The following RPH3A variants were observed in gnomAD, a reference collection of about 807,000 sequenced individuals.
RPH3A encodes rabphilin-3A.
Under a neutral mutation model 102.2 loss-of-function variants are expected in RPH3A, and 48 were observed. The ratio of observed to expected loss-of-function variants is 0.47; its 90% CI spans 0.37 to 0.60. The LOEUF (loss-of-function observed/expected upper bound fraction) is 0.60, where lower values mean the gene tolerates loss of function less well. Among genes scored for constraint, RPH3A ranks in the 20% least tolerant of loss-of-function variants. RPH3A has a pLI of 0.00. For synonymous variants in RPH3A, 310 were observed against 324.3 expected, an observed-to-expected ratio of 0.96 and a Z score of 0.47; for missense variants, 781 against 910.1, an observed-to-expected ratio of 0.86 and a Z score of 1.83.
rs137908755 is a variant in RPH3A at position 112,715,279 on chromosome 12, T to C, written c.-139-76864T>C. Reference sequence around the variant, plus strand: ...GCTCTCTACTGAAATGCCACTTCCTTGAGAAGCCCTCCCTGAAACCACTCC... The same window carrying C: ...GCTCTCTACTGAAATGCCACTTCCTCGAGAAGCCCTCCCTGAAACCACTCC... On this transcript the variant is annotated intron_variant, in intron 1 of 21. Coordinates refer to the RPH3A transcript ENST00000543106. Among the ~76,000 whole-genome samples the C allele has an allele frequency of 2.0e-3, 298 of 152,308 alleles. 1 individual carries two copies. The highest frequency in any genetic ancestry group is 6.7e-3 in the African/African-American group (279 of 41,564).
rs185287343 is a variant in RPH3A, at chr12:112,655,548, C to T, written c.-140+80229C>T. ...CTTCATGTCTGATTTGGGCCCATCT[C>T]GAATTTTTGTTGGTCTTTTTTTTTT... On this transcript the variant is annotated intron_variant, in intron 1 of 21. Transcript: ENST00000543106. Among the ~76,000 whole-genome samples, 52 of 136,028 alleles carry T rather than the reference C, an allele frequency of 3.8e-4. No homozygotes were observed. The East Asian group carries it at 0.011, about 29-fold the overall frequency. The allele number at this position is 136,028 out of a possible 152,430, so 89.2% of individuals were successfully genotyped here.
intron 1 of RPH3A, among the ~76,000 whole-genome samples, chr12:112,730,418 C>G (rs2040624468): frequency 6.6e-6 from 1 of 152,250 alleles, no homozygotes; most frequent in South Asian, 2.1e-4. Flanking sequence ...ATGCCTTTCT[C>G]TGGGAAGTCA....
intron 1 of RPH3A, among the ~76,000 whole-genome samples, chr12:112,703,196 A>G (rs1413636069): frequency 6.6e-6 from 1 of 152,266 alleles, no homozygotes; most frequent in African/African-American, 2.4e-5. Context: ...GATGAGAGAC[A>G]GGTGGAGTTG....
At chr12:112,690,886 T>TG (rs11452563) in intron 1 of RPH3A, among the ~76,000 whole-genome samples, 20,991 of 152,032 alleles carry the variant, frequency 0.14, 1,609 homozygotes, top group South Asian at 0.31. Flanking sequence ...TCCAAAAGCA[T>TG]GGGGGGGATA....
At chr12:112,837,117 G>A (rs2042064136) in intron 4 of RPH3A, among the ~76,000 whole-genome samples, 1 of 152,170 alleles carries the variant, frequency 6.6e-6, no homozygotes, top group Admixed American at 6.5e-5. Flanking sequence ...ATCTTCAGTT[G>A]CGTGCACACA....
intron 2 of RPH3A, among the ~76,000 whole-genome samples, chr12:112,800,359 C>T (rs374262725): frequency 2.0e-5 from 3 of 152,032 alleles, no homozygotes; most frequent in African/African-American, 4.8e-5. Context: ...GACAGACAGT[C>T]GGCTGGTGTG....
intron 1 of RPH3A, among the ~76,000 whole-genome samples, chr12:112,748,536 T>A (rs2040763474): frequency 6.6e-6 from 1 of 152,108 alleles, no homozygotes; most frequent in South Asian, 2.1e-4. Context: ...GGCCTTACTA[T>A]ATTGCTCGGG....
At position 112,832,481 on chromosome 12, in the gene RPH3A, A is replaced by AT. The variant is rs2041985547; in HGVS notation, c.72-4008dup. On this transcript the variant is annotated intron_variant, in intron 3 of 21. Transcript: ENST00000389385. ...TGCTGGATATGTACCATAAAATCTC[A>AT]TTAGAATGGATGTTAAATTTTCAGG... Among the ~76,000 whole-genome samples the AT allele has an allele frequency of 2.0e-5, 3 of 152,194 alleles. No homozygotes were observed. In the South Asian group the frequency reaches 6.2e-4, roughly 32 times the overall value.
chr12:112,894,838 A>G (rs1424887738), intron 20 of RPH3A, among the ~76,000 whole-genome samples, 179 bp downstream of exon 20: 1 of 152,218 alleles, frequency 6.6e-6, no homozygotes, highest in Non-Finnish European at 1.5e-5. Context: ...GTTTTTGCCC[A>G]AAGTTGTAAA....
chr12:112,862,171 TAAATTA>T (rs1359754880), intron 5 of RPH3A, among the ~76,000 whole-genome samples: 1 of 151,944 alleles, frequency 6.6e-6, no homozygotes, highest in Non-Finnish European at 1.5e-5. Context: ...GAAATGTTTT[TAAATTA>T]GCCAGGCATG....
chr12:112,595,251 A>C (rs1483761994), intron 1 of RPH3A, among the ~76,000 whole-genome samples: 1 of 152,216 alleles, frequency 6.6e-6, no homozygotes, highest in Non-Finnish European at 1.5e-5. Flanking sequence ...ATGCTCAATA[A>C]AAAGATCGAT....
At chr12:112,754,607 GGCT>G (rs1481497338) in intron 1 of RPH3A, among the ~76,000 whole-genome samples, 4 of 152,158 alleles carry the variant, frequency 2.6e-5, no homozygotes, top group African/African-American at 9.7e-5. Flanking sequence ...TGAGTTTCCT[GGCT>G]GCCAAAGTGA....
chr12:112,841,431 C>T (rs147103517), intron 4 of RPH3A, among the ~76,000 whole-genome samples: 1 of 152,146 alleles, frequency 6.6e-6, no homozygotes, highest in Non-Finnish European at 1.5e-5. Flanking sequence ...CTCCTGGAGT[C>T]GGCTTTGCTA....
At chr12:112,616,634 G>A (rs1205590137) in intron 1 of RPH3A, among the ~76,000 whole-genome samples, 1 of 152,210 alleles carries the variant, frequency 6.6e-6, no homozygotes, top group Non-Finnish European at 1.5e-5. Flanking sequence ...GCTCAGAGAA[G>A]TTAAGCAATG....
chr12:112,778,219 G>C (rs1404940446), intron 1 of RPH3A, among the ~76,000 whole-genome samples: 4 of 152,156 alleles, frequency 2.6e-5, no homozygotes, highest in African/African-American at 9.7e-5. Context: ...CTAGGTATTG[G>C]GTTCTGTCAA....
At position 112,732,834 on chromosome 12, in the gene RPH3A, G is replaced by A. The variant is rs546303944; in HGVS notation, c.-139-59309G>A. On this transcript the variant is annotated intron_variant, in intron 1 of 21. Coordinates refer to the RPH3A transcript ENST00000543106. Reference sequence around the variant, plus strand: ...TGACATAGTTTGCTCTTCCTTGAAGGTGGATCTAGAGTGTGTAACTGTAAC... The same window carrying A: ...TGACATAGTTTGCTCTTCCTTGAAGATGGATCTAGAGTGTGTAACTGTAAC... Among the ~76,000 whole-genome samples, 8 of 152,288 alleles carry A rather than the reference G, an allele frequency of 5.3e-5. No individual in the cohort carries two copies. In the South Asian group the frequency reaches 1.5e-3, roughly 28 times the overall value.
At chr12:112,852,285 T>G (rs2042335799) in intron 5 of RPH3A, among the ~76,000 whole-genome samples, 2 of 152,188 alleles carry the variant, frequency 1.3e-5, no homozygotes, top group Admixed American at 1.3e-4. Flanking sequence ...CAGCTGGGTC[T>G]GGAACTGGCA....
chr12:112,650,492 G>T (rs1197467384), intron 1 of RPH3A, among the ~76,000 whole-genome samples: 1 of 152,138 alleles, frequency 6.6e-6, no homozygotes, highest in Non-Finnish European at 1.5e-5. Context: ...AAGCCAAGAA[G>T]AAATTCTTGC....
At chr12:112,725,856 T>C (rs74809825) in intron 1 of RPH3A, among the ~76,000 whole-genome samples, 115,273 of 150,616 alleles carry the variant, frequency 0.77, 45,039 homozygotes, top group African/African-American at 0.92. Flanking sequence ...AGTGCGGTGA[T>C]GCGATCTCGG....
Sources: allele counts gnomAD v4.1 joint callset (sites outside exome capture counted in the v4.1 genomes callset), GRCh38; gene constraint gnomAD v4.1.1; transcripts MANE v1.5; gene names NCBI Gene and HGNC (gene_info 2026-07-23, HGNC 2026-07-21).